SOX5: variants seen among roughly 807,000 people sequenced by gnomAD.
SOX5 encodes SRY-box transcription factor 5, also known as transcription factor SOX-5.
In SOX5, 9 loss-of-function variants were observed where a neutral mutation model predicts 92.0. The observed-to-expected ratio is 0.10, with a 90% CI of 0.06 to 0.17. SOX5 has a LOEUF of 0.17. SOX5 is among the 10% of genes least tolerant of loss of function. SOX5 has a pLI of 1.00. For synonymous variants in SOX5, 344 were observed against 336.3 expected (o/e 1.02, Z -0.25); for missense variants, 642 against 944.5 (o/e 0.68, Z 4.20).
At chr12:23,725,182 A>T (rs1256239119) in intron 6 of SOX5, among the ~76,000 whole-genome samples, 2 of 152,164 alleles carry the variant, frequency 1.3e-5, no homozygotes, top group African/African-American at 2.4e-5. Flanking sequence ...ATGTTTTTAA[A>T]ATGTGAACTT....
chr12:24,386,523 C>G (rs1490383554), intron 1 of SOX5, among the ~76,000 whole-genome samples: 2 of 152,116 alleles, frequency 1.3e-5, no homozygotes, highest in Non-Finnish European at 2.9e-5. Flanking sequence ...ACTGCTTTCT[C>G]TCTATATGAA....
intron 1 of SOX5, among the ~76,000 whole-genome samples, chr12:24,451,768 A>G (rs1197768148): frequency 6.6e-6 from 1 of 152,206 alleles, no homozygotes; most frequent in African/African-American, 2.4e-5. Flanking sequence ...CCACTTTCCC[A>G]TGTTTAAAAT....
chr12:23,690,718 T>C (rs2088616713), intron 6 of SOX5, among the ~76,000 whole-genome samples: 1 of 152,186 alleles, frequency 6.6e-6, no homozygotes, highest in Non-Finnish European at 1.5e-5. Flanking sequence ...CCTCTGACCT[T>C]ATCTCCTGGC....
chr12:24,016,346 G>T (rs1376227875), intron 4 of SOX5, among the ~76,000 whole-genome samples: 1 of 152,066 alleles, frequency 6.6e-6, no homozygotes, highest in Non-Finnish European at 1.5e-5. Context: ...TACACAAAAA[G>T]TAAGTCCACA....
At chr12:24,027,045 C>G (rs1954967839) in intron 4 of SOX5, among the ~76,000 whole-genome samples, 1 of 152,024 alleles carries the variant, frequency 6.6e-6, no homozygotes, top group East Asian at 1.9e-4. Context: ...TCCACTAAAA[C>G]TGATCATGTT....
intron 3 of SOX5, among the ~76,000 whole-genome samples, chr12:23,791,600 C>A (rs2095476030): frequency 6.6e-6 from 1 of 152,074 alleles, no homozygotes. Context: ...TTATCCACAA[C>A]CTGCATTGTT....
rs189333378 is a variant in SOX5, at chr12:23,598,544, G to A, written c.1164+5843C>T. On this transcript the variant is annotated intron_variant, in intron 9 of 14. Transcript: ENST00000451604. ...CTCCCGAGTAGCTGGGACTACAGGCGCCTGCCACCACGCCCGGCTAATTTT... is the reference window on the plus strand; with the variant it reads ...CTCCCGAGTAGCTGGGACTACAGGCACCTGCCACCACGCCCGGCTAATTTT... Among the ~76,000 whole-genome samples the A allele has an allele frequency of 3.1e-3, 468 of 151,474 alleles. 2 individuals are homozygous for A. Among genetic ancestry groups the A allele is most frequent in the African/African-American group, 9.8e-3 (404 of 41,298 alleles).
intron 4 of SOX5, among the ~76,000 whole-genome samples, chr12:23,989,503 A>T (rs1950363563): frequency 6.6e-6 from 1 of 152,164 alleles, no homozygotes; most frequent in Non-Finnish European, 1.5e-5. Context: ...GAACATGGAA[A>T]GTATCAACAC....
intron 7 of SOX5, among the ~76,000 whole-genome samples, chr12:23,647,920 C>T (rs2081077807): frequency 6.6e-6 from 1 of 152,216 alleles, no homozygotes; most frequent in Admixed American, 6.5e-5. Flanking sequence ...TGGCATAGCA[C>T]TTTTAATTTC....
chr12:24,110,717 C>T (rs7303890), intron 4 of SOX5, among the ~76,000 whole-genome samples: 6,741 of 151,488 alleles, frequency 0.044, 165 homozygotes, highest in Admixed American at 0.062. Flanking sequence ...AACTCCGTCT[C>T]TACTAAAAAT....
intron 1 of SOX5, among the ~76,000 whole-genome samples, chr12:24,376,792 G>C (rs1444478547): frequency 7.6e-6 from 1 of 131,402 alleles, no homozygotes; most frequent in East Asian, 2.6e-4. Flanking sequence ...CTGCAGCCTT[G>C]ATCTCCTAGG....
intron 4 of SOX5, among the ~76,000 whole-genome samples, chr12:24,131,389 G>T (rs1159767778): frequency 1.3e-5 from 2 of 152,130 alleles, no homozygotes; most frequent in Non-Finnish European, 2.9e-5. Context: ...TAGACTGGGA[G>T]TTCCTAGCGG....
Position 23,895,997 on chromosome 12 carries a change from C to T in SOX5, c.66G>A (p.Pro22=), listed in dbSNP as rs370911470. The T allele has an allele frequency of 1.6e-5, 26 of 1,613,572 alleles. 1 individual carries two copies. The highest frequency in any genetic ancestry group is 4.5e-5 in the East Asian group (2 of 44,890). ...CTACCTCTCCATCTGCTTCCCCATA[C>T]GGAGAGGCTGGTCGCTTGGAAGACA... ...ERMSSKRPAS[P]YGEADGEVAM... The change falls in exon 2 of 15, where the codon CCG becomes CCA. Residue 22 remains proline, a synonymous_variant. Transcript: ENST00000451604.
chr12:24,114,263 A>G (rs1947715938), intron 4 of SOX5, among the ~76,000 whole-genome samples: 1 of 152,162 alleles, frequency 6.6e-6, no homozygotes, highest in African/African-American at 2.4e-5. Context: ...TTTTTTAAAA[A>G]AATCTTAAAT....
At chr12:23,629,158 A>G (rs1175442656) in intron 8 of SOX5, among the ~76,000 whole-genome samples, 2 of 152,068 alleles carry the variant, frequency 1.3e-5, no homozygotes, top group Non-Finnish European at 2.9e-5. Flanking sequence ...ATTAATTCAC[A>G]GAGCACAATC....
chr12:23,747,902 GAGAACAAGCC>G (rs1170736816), intron 4 of SOX5, among the ~76,000 whole-genome samples: 2 of 147,460 alleles, frequency 1.4e-5, no homozygotes, highest in Non-Finnish European at 1.5e-5. Flanking sequence ...AGGATACTAA[GAGAACAAGCC>G]AGAAAAGAAT....
At chr12:24,150,739 A>C (rs1951571609) in intron 4 of SOX5, among the ~76,000 whole-genome samples, 1 of 152,144 alleles carries the variant, frequency 6.6e-6, no homozygotes, top group African/African-American at 2.4e-5. Context: ...GAATTAGTCA[A>C]TACCTCACAT....
intron 4 of SOX5, among the ~76,000 whole-genome samples, chr12:24,095,145 A>AGAGT (rs1945228120): frequency 6.6e-6 from 1 of 151,118 alleles, no homozygotes; most frequent in East Asian, 1.9e-4. Context: ...AGAGAGAGAG[A>AGAGT]GAGAGAGAGA....
chr12:23,550,834 C>T (rs1944059456), intron 11 of SOX5, among the ~76,000 whole-genome samples: 2 of 151,938 alleles, frequency 1.3e-5, no homozygotes, highest in Admixed American at 1.3e-4. Flanking sequence ...TTCTAATAGG[C>T]ATCCTATGTT....
Sources: gnomAD v4.1 joint callset for allele counts (sites outside exome capture counted in the v4.1 genomes callset) on GRCh38, gnomAD v4.1.1 for gene constraint, MANE v1.5 for transcripts, NCBI Gene and HGNC (gene_info 2026-07-23, HGNC 2026-07-21) for gene names.